Variants in ABL1 observed in about 807,000 individuals in gnomAD.
ABL1 encodes the protein tyrosine-protein kinase ABL1.
Under a neutral mutation model 94.7 loss-of-function variants are expected in ABL1, and 11 were observed. The ratio of observed to expected loss-of-function variants is 0.12; its 90% CI spans 0.07 to 0.19. The LOEUF (loss-of-function observed/expected upper bound fraction) is 0.19. Ranked by LOEUF, ABL1 falls within the 10% of genes least tolerant of loss-of-function variation. ABL1 has a pLI of 1.00. For missense variants in ABL1, 1,082 were observed against 1,489.4 expected (o/e 0.73, Z 4.50); for synonymous variants, 656 against 622.4 (o/e 1.05, Z -0.80).
At chr9:130,778,613 G>A (rs936072575) in intron 1 of ABL1, among the ~76,000 whole-genome samples, 1 of 151,808 alleles carries the variant, frequency 6.6e-6, no homozygotes, top group Non-Finnish European at 1.5e-5. Flanking sequence ...ATCCTCACCT[G>A]TGAATTCCTC....
intron 1 of ABL1, among the ~76,000 whole-genome samples, chr9:130,741,434 C>T (rs578211474): frequency 1.9e-4 from 28 of 148,584 alleles, no homozygotes; most frequent in South Asian, 1.1e-3. Flanking sequence ...TAACAGTTAC[C>T]GCACTGATGC....
chr9:130,781,770 C>T (rs1174701187), intron 1 of ABL1, among the ~76,000 whole-genome samples: 1 of 151,990 alleles, frequency 6.6e-6, no homozygotes, highest in Non-Finnish European at 1.5e-5. Context: ...TCCCCTTAAC[C>T]ATCTAAATCT....
intron 1 of ABL1, among the ~76,000 whole-genome samples, chr9:130,750,217 ATATATATATATATATATATC>A: frequency 7.6e-6 from 1 of 130,854 alleles, no homozygotes; most frequent in African/African-American, 3.4e-5. Context: ...ATATATATAT[ATATATATATATATATATATC>A]CAAGTATAAG....
chr9:130,824,767 C>A (rs564682445), intron 1 of ABL1, among the ~76,000 whole-genome samples: 353 of 152,266 alleles, frequency 2.3e-3, no homozygotes, highest in African/African-American at 8.2e-3. Flanking sequence ...CACCACAGTG[C>A]CACTTAGTGA....
At chr9:130,714,662 C>G in intron 1 of ABL1, 1 of 703,164 alleles carries the variant, frequency 1.4e-6, no homozygotes, top group Non-Finnish European at 2.5e-6. Context: ...ATTTGAGTTG[C>G]TTATTTCTTG....
intron 1 of ABL1, among the ~76,000 whole-genome samples, chr9:130,752,678 G>A (rs1831980941): frequency 6.6e-6 from 1 of 152,194 alleles, no homozygotes; most frequent in Non-Finnish European, 1.5e-5. Flanking sequence ...CCCCTTGGTG[G>A]CTGGGTGCAG....
intron 1 of ABL1, among the ~76,000 whole-genome samples, chr9:130,783,554 G>A (rs1367732650): frequency 6.6e-6 from 1 of 152,194 alleles, no homozygotes; most frequent in Non-Finnish European, 1.5e-5. Context: ...AGGAATGTAA[G>A]GTCTCCCCTC....
intron 1 of ABL1, among the ~76,000 whole-genome samples, chr9:130,800,131 CA>C (rs1371159956): frequency 1.3e-5 from 2 of 152,102 alleles, no homozygotes; most frequent in Non-Finnish European, 2.9e-5. Context: ...CTCAGCCTTC[CA>C]AAGTGCTGGG....
At chr9:130,731,623 T>C (rs1158172199) in intron 1 of ABL1, among the ~76,000 whole-genome samples, 3 of 152,184 alleles carry the variant, frequency 2.0e-5, no homozygotes, top group East Asian at 1.9e-4. Flanking sequence ...GTTAATTTGT[T>C]TGTCTTTCCT....
intron 1 of ABL1, among the ~76,000 whole-genome samples, chr9:130,840,611 CAGA>C (rs1473277436): frequency 6.6e-6 from 1 of 152,186 alleles, no homozygotes; most frequent in Admixed American, 6.5e-5. Context: ...ATTAAACACA[CAGA>C]AGAACAATTT....
Position 130,760,809 on chromosome 9 carries a change from C to T in ABL1, c.136+46354C>T, listed in dbSNP as rs148164600. Among the ~76,000 whole-genome samples the T allele has an allele frequency of 6.5e-3, 975 of 150,978 alleles. 4 individuals carry two copies. Among genetic ancestry groups the T allele is most frequent in the African/African-American group, 0.016 (639 of 41,104 alleles). On this transcript the variant is annotated intron_variant, in intron 1 of 10. Coordinates refer to the ABL1 transcript ENST00000372348. ...TCCCGAGTAGCTGGGACTACAGGCACGGGCCACAACACCCAGCTAATTTTT... is the reference window on the plus strand; with the variant it reads ...TCCCGAGTAGCTGGGACTACAGGCATGGGCCACAACACCCAGCTAATTTTT...
intron 1 of ABL1, chr9:130,724,661 G>A (rs1056127887): frequency 3.7e-6 from 1 of 270,496 alleles, no homozygotes; most frequent in Non-Finnish European, 7.6e-6. Context: ...AAATTAGCCA[G>A]GCGTGGTGAC....
At chr9:130,727,749 C>A (rs1364646072) in intron 1 of ABL1, among the ~76,000 whole-genome samples, 2 of 107,254 alleles carry the variant, frequency 1.9e-5, no homozygotes, top group Admixed American at 8.8e-5. Context: ...GAGTGAGACA[C>A]CGCCCCCCCC....
chr9:130,865,742 T>G (rs1831143617), intron 4 of ABL1, among the ~76,000 whole-genome samples: 1 of 112,646 alleles, frequency 8.9e-6, no homozygotes, highest in Admixed American at 1.0e-4. Flanking sequence ...TGAGACCCTG[T>G]CTCCAAAAAA....
intron 1 of ABL1, among the ~76,000 whole-genome samples, chr9:130,837,063 C>G (rs1263910126): frequency 2.0e-5 from 3 of 152,140 alleles, no homozygotes; most frequent in African/African-American, 7.2e-5. Flanking sequence ...GCCCTTCTTG[C>G]CACAGTTTGT....
At chr9:130,804,617 T>TA (rs1159818519) in intron 1 of ABL1, among the ~76,000 whole-genome samples, 1 of 152,204 alleles carries the variant, frequency 6.6e-6, no homozygotes, top group East Asian at 1.9e-4. Context: ...TAAATCATTT[T>TA]AAAAAGATGT....
intron 1 of ABL1, among the ~76,000 whole-genome samples, chr9:130,842,870 G>T (rs183138832): frequency 6.6e-6 from 1 of 152,188 alleles, no homozygotes; most frequent in Non-Finnish European, 1.5e-5. Flanking sequence ...GAAGGTGTCC[G>T]GCGAGCTCAC....
intron 1 of ABL1, among the ~76,000 whole-genome samples, chr9:130,812,557 A>T (rs1401122186): frequency 2.0e-5 from 3 of 151,904 alleles, no homozygotes; most frequent in Non-Finnish European, 4.4e-5. Flanking sequence ...TATTAAACAA[A>T]CTATATTTTA....
intron 3 of ABL1, among the ~76,000 whole-genome samples, chr9:130,857,908 T>C (rs1831001194): frequency 6.6e-6 from 1 of 152,076 alleles, no homozygotes; most frequent in African/African-American, 2.4e-5. Flanking sequence ...TGGAGCTGCG[T>C]TCTTCCATTC....
Sources: gnomAD v4.1 joint callset for allele counts (sites outside exome capture counted in the v4.1 genomes callset) on GRCh38, gnomAD v4.1.1 for gene constraint, MANE v1.5 for transcripts, NCBI Gene and HGNC (gene_info 2026-07-23, HGNC 2026-07-21) for gene names.